Variants in ZNF804B observed in about 807,000 individuals in gnomAD.
ZNF804B encodes zinc finger 804B.
A neutral mutation model predicts 101.4 loss-of-function variants in ZNF804B; 80 were observed. The observed-to-expected ratio is 0.79, with a 90% CI of 0.66 to 0.95. The LOEUF (loss-of-function observed/expected upper bound fraction) is 0.95. ZNF804B is among the 40% of genes least tolerant of loss of function. The pLI is 0.00. For missense variants in ZNF804B, 1,673 were observed against 1,561.9 expected (o/e 1.07, Z -1.20); for synonymous variants, 622 against 558.8 (o/e 1.11, Z -1.59).
intron 1 of ZNF804B, among the ~76,000 whole-genome samples, chr7:88,878,146 T>C (rs1305838448): frequency 6.6e-6 from 1 of 152,184 alleles, no homozygotes; most frequent in African/African-American, 2.4e-5. Flanking sequence ...TAACTCATTA[T>C]TCTCATTTGA....
intron 1 of ZNF804B, among the ~76,000 whole-genome samples, chr7:89,098,642 A>G (rs1404242589): frequency 6.6e-6 from 1 of 152,104 alleles, no homozygotes; most frequent in Non-Finnish European, 1.5e-5. Flanking sequence ...ACAAAAAACA[A>G]TGCTAAGGTT....
rs144227935 is a variant in ZNF804B at position 88,808,456 on chromosome 7, T to C, written c.108+48372T>C. Among the ~76,000 whole-genome samples the C allele has an allele frequency of 1.3e-4, 19 of 151,956 alleles. 1 individual carries two copies. In the East Asian group the frequency reaches 3.7e-3, roughly 29 times the overall value. The stretch of plus-strand genomic sequence containing the variant: ...TAAGTAGGTCTTCTTTCCTAGGCAT[T>C]GTCAGTAAGTATTATATTATCATCT... On this transcript the variant is annotated intron_variant, in intron 1 of 3. Coordinates refer to ENST00000333190, the MANE Select transcript of ZNF804B (RefSeq NM_181646.5).
intron 1 of ZNF804B, among the ~76,000 whole-genome samples, chr7:88,801,557 G>A (rs1790583385): frequency 6.6e-6 from 1 of 152,050 alleles, no homozygotes; most frequent in African/African-American, 2.4e-5. Context: ...ACAGTAAATT[G>A]TTTCAACTTT....
chr7:88,947,339 A>G, intron 1 of ZNF804B, among the ~76,000 whole-genome samples: 1 of 152,188 alleles, frequency 6.6e-6, no homozygotes. Flanking sequence ...GCAGCCATTA[A>G]AAAGGATGAA....
At chr7:89,240,590 A>G (rs949827649) in intron 2 of ZNF804B, among the ~76,000 whole-genome samples, 1 of 151,976 alleles carries the variant, frequency 6.6e-6, no homozygotes, top group African/African-American at 2.4e-5. Flanking sequence ...TGCTTGATTT[A>G]TAATCGACAT....
rs554782230 is a variant in ZNF804B, at chr7:89,096,360, A to G, written c.109-121795A>G. On this transcript the variant is annotated intron_variant, in intron 1 of 3. Transcript: ENST00000333190. Reference sequence around the variant, plus strand: ...AGAGAAAGTTTAATAGGTAGAGAATAATCATAAAGGAAAGAGTTGCCCCAG... The same window carrying G: ...AGAGAAAGTTTAATAGGTAGAGAATGATCATAAAGGAAAGAGTTGCCCCAG... Among the ~76,000 whole-genome samples, 4 of 152,164 alleles carry G rather than the reference A, an allele frequency of 2.6e-5. No homozygotes were observed. In the East Asian group the frequency reaches 7.7e-4, roughly 29 times the overall value.
chr7:89,011,645 A>G (rs73707726), intron 1 of ZNF804B, among the ~76,000 whole-genome samples: 7,674 of 152,160 alleles, frequency 0.05, 437 homozygotes, highest in African/African-American at 0.14. Flanking sequence ...CAGTCAGTAA[A>G]CCTTAAAGTT....
chr7:89,171,279 G>GCTTCTT (rs1491306372), intron 1 of ZNF804B, among the ~76,000 whole-genome samples: 12 of 70,528 alleles, frequency 1.7e-4, no homozygotes, highest in South Asian at 5.7e-4. Flanking sequence ...CACAAATAAT[G>GCTTCTT]CTGCTGCTGC....
intron 2 of ZNF804B, among the ~76,000 whole-genome samples, chr7:89,259,907 C>T (rs553827769): frequency 1.3e-5 from 2 of 151,574 alleles, no homozygotes; most frequent in South Asian, 4.2e-4. Flanking sequence ...TTGAATGCAA[C>T]CCAGGAGGTG....
chr7:89,323,352 C>T (rs1261519093), intron 2 of ZNF804B, among the ~76,000 whole-genome samples: 1 of 152,194 alleles, frequency 6.6e-6, no homozygotes, highest in East Asian at 1.9e-4. Flanking sequence ...CAATATCACA[C>T]ATGAACATAG....
At chr7:89,292,917 C>T (rs1004385309) in intron 2 of ZNF804B, among the ~76,000 whole-genome samples, 11 of 151,682 alleles carry the variant, frequency 7.3e-5, no homozygotes, top group African/African-American at 2.4e-4. Flanking sequence ...GTATCTAGGA[C>T]CCCACACTTA....
At chr7:89,269,059 A>G (rs1228853749) in intron 2 of ZNF804B, among the ~76,000 whole-genome samples, 1 of 151,490 alleles carries the variant, frequency 6.6e-6, no homozygotes, top group African/African-American at 2.4e-5. Context: ...TCAAATTAAC[A>G]TGTTTTCTTC....
intron 1 of ZNF804B, among the ~76,000 whole-genome samples, chr7:89,101,220 G>C (rs1230474277): frequency 6.6e-6 from 1 of 151,886 alleles, no homozygotes; most frequent in African/African-American, 2.4e-5. Context: ...ATATAAAACA[G>C]TTCCTCCGGC....
At chr7:89,285,818 A>G (rs13238022) in intron 2 of ZNF804B, among the ~76,000 whole-genome samples, 18,294 of 151,654 alleles carry the variant, frequency 0.12, 1,214 homozygotes, top group Middle Eastern at 0.26. Flanking sequence ...GAAAGAAAAG[A>G]TAGACACCAG....
intron 1 of ZNF804B, among the ~76,000 whole-genome samples, chr7:89,174,262 C>T (rs1463216689): frequency 1.3e-5 from 2 of 152,004 alleles, no homozygotes; most frequent in Non-Finnish European, 2.9e-5. Flanking sequence ...CCTTCCCAGC[C>T]TCTGGTAACC....
At chr7:89,030,007 T>A (rs949646308) in intron 1 of ZNF804B, among the ~76,000 whole-genome samples, 7 of 152,144 alleles carry the variant, frequency 4.6e-5, no homozygotes, top group African/African-American at 1.7e-4. Flanking sequence ...GTGGTTACGT[T>A]ACCAGCTGCA....
chr7:88,841,424 A>G (rs1405010103), intron 1 of ZNF804B, among the ~76,000 whole-genome samples: 1 of 152,194 alleles, frequency 6.6e-6, no homozygotes, highest in Non-Finnish European at 1.5e-5. Context: ...AACTATGGAC[A>G]TAGAAACTTG....
chr7:89,291,600 A>G (rs1306772753), intron 2 of ZNF804B, among the ~76,000 whole-genome samples: 6 of 152,160 alleles, frequency 3.9e-5, no homozygotes, highest in African/African-American at 1.4e-4. Flanking sequence ...AGAAAAAAGA[A>G]TAAAAAAGGA....
At chr7:88,985,407 A>G (rs942627376) in intron 1 of ZNF804B, among the ~76,000 whole-genome samples, 3 of 152,034 alleles carry the variant, frequency 2.0e-5, no homozygotes, top group Non-Finnish European at 4.4e-5. Context: ...ATCACATTCC[A>G]TGGACTCTAG....
Sources: allele counts gnomAD v4.1 joint callset (sites outside exome capture counted in the v4.1 genomes callset), GRCh38; gene constraint gnomAD v4.1.1; transcripts MANE v1.5; gene names NCBI Gene and HGNC (gene_info 2026-07-23, HGNC 2026-07-21).